Variants in SKIC2 observed in about 807,000 individuals in gnomAD.
SKIC2 encodes the protein superkiller complex protein 2.
At chr6:31,969,290 G>T in the SKIC2 span, 2 of 1,614,032 alleles carry the variant, frequency 1.2e-6, no homozygotes, top group Non-Finnish European at 1.7e-6. This position sits in a 1 kb window ranked among gnomAD's most constrained non-coding sequence, Gnocchi z 6.1. Flanking sequence ...GGAATAGAAC[G>T]TGTCCGGGCT....
At chr6:31,968,430 C>A in the SKIC2 span, 1 of 1,612,960 alleles carries the variant, frequency 6.2e-7, no homozygotes, top group Non-Finnish European at 8.5e-7. The surrounding 1 kb of genome is among the most constrained non-coding windows in gnomAD (Gnocchi z 6.1). Context: ...CTGTCAATGA[C>A]CTGCAGCTCA....
the SKIC2 span, chr6:31,966,719 C>T: frequency 1.9e-6 from 3 of 1,614,108 alleles, no homozygotes; most frequent in East Asian, 2.2e-5. This position sits in a 1 kb window ranked among gnomAD's most constrained non-coding sequence, Gnocchi z 5.9. Flanking sequence ...GGGAAGCCGT[C>T]CCAGCTGCAG....
chr6:31,961,807 G>A, the SKIC2 span: 1 of 1,554,208 alleles, frequency 6.4e-7, no homozygotes. Flanking sequence ...CCCAGCCTCG[G>A]CTGGCTCCGG....
At chr6:31,969,545 A>AC in the SKIC2 span, 1 of 1,613,486 alleles carries the variant, frequency 6.2e-7, no homozygotes. The surrounding 1 kb of genome is among the most constrained non-coding windows in gnomAD (Gnocchi z 6.1). Flanking sequence ...GCTCTCAGGG[A>AC]CCCCTGAGGG....
the SKIC2 span, chr6:31,963,457 G>A: frequency 3.1e-6 from 5 of 1,610,940 alleles, no homozygotes; most frequent in East Asian, 2.2e-5. The surrounding 1 kb of genome is among the most constrained non-coding windows in gnomAD (Gnocchi z 5.3). Flanking sequence ...ACTGTAACCC[G>A]CCCCGTGCCC....
At chr6:31,968,688 C>A in the SKIC2 span, 4 of 1,611,682 alleles carry the variant, frequency 2.5e-6, no homozygotes, top group Non-Finnish European at 3.4e-6. This position sits in a 1 kb window ranked among gnomAD's most constrained non-coding sequence, Gnocchi z 6.1. Flanking sequence ...CTCTGCAGTA[C>A]CTGAAGCTGC....
chr6:31,964,030 C>T, the SKIC2 span: 1 of 1,612,598 alleles, frequency 6.2e-7, no homozygotes, highest in African/African-American at 1.3e-5. This position sits in a 1 kb window ranked among gnomAD's most constrained non-coding sequence, Gnocchi z 5.0. Flanking sequence ...CCTCACCTCC[C>T]TTGACCTCAC....
the SKIC2 span, chr6:31,969,167 C>A: frequency 1.3e-6 from 2 of 1,537,810 alleles, no homozygotes; most frequent in Non-Finnish European, 1.8e-6. The surrounding 1 kb of genome is among the most constrained non-coding windows in gnomAD (Gnocchi z 6.1). Flanking sequence ...CCCCAGGTGA[C>A]CCCCTCCAGC....
At chr6:31,968,926 G>A in the SKIC2 span, 8 of 1,612,974 alleles carry the variant, frequency 5.0e-6, no homozygotes, top group Non-Finnish European at 5.9e-6. This position sits in a 1 kb window ranked among gnomAD's most constrained non-coding sequence, Gnocchi z 6.1. Context: ...CTGGCAGGGC[G>A]GGTGGCTTGT....
the SKIC2 span, chr6:31,959,256 G>A: frequency 6.2e-7 from 1 of 1,608,468 alleles, no homozygotes; most frequent in East Asian, 2.2e-5. Flanking sequence ...TAGCCGATAT[G>A]GAATGAACTT....
chr6:31,968,898 G>A, the SKIC2 span: 48 of 1,612,922 alleles, frequency 3.0e-5, no homozygotes, highest in African/African-American at 4.5e-4. This position sits in a 1 kb window ranked among gnomAD's most constrained non-coding sequence, Gnocchi z 6.1. Flanking sequence ...TTATGTGGAC[G>A]AGGCGGGCAC....
At chr6:31,963,282 T>G in the SKIC2 span, 3 of 897,696 alleles carry the variant, frequency 3.3e-6, no homozygotes, top group Non-Finnish European at 5.0e-6. The surrounding 1 kb of genome is among the most constrained non-coding windows in gnomAD (Gnocchi z 5.3). Flanking sequence ...TGGGATGAGA[T>G]GTTGGGGGAT....
the SKIC2 span, chr6:31,964,336 G>C: frequency 1.9e-6 from 3 of 1,612,018 alleles, no homozygotes; most frequent in Non-Finnish European, 2.5e-6. The surrounding 1 kb of genome is among the most constrained non-coding windows in gnomAD (Gnocchi z 5.0). Context: ...GCCGTGGCCT[G>C]GTCAAGGTGC....
chr6:31,969,142 C>T, the SKIC2 span: 2 of 1,570,004 alleles, frequency 1.3e-6, no homozygotes, highest in African/African-American at 2.7e-5. The surrounding 1 kb of genome is among the most constrained non-coding windows in gnomAD (Gnocchi z 6.1). Flanking sequence ...TCCTGACCTT[C>T]ACCTTCAGGT....
chr6:31,960,598 G>A, the SKIC2 span: 1 of 1,578,278 alleles, frequency 6.3e-7, no homozygotes, highest in Non-Finnish European at 8.7e-7. Context: ...AATCTCCAGG[G>A]AAGGGTTCCC....
the SKIC2 span, chr6:31,967,102 C>G: frequency 1.9e-6 from 3 of 1,612,370 alleles, no homozygotes; most frequent in East Asian, 6.7e-5. This position sits in a 1 kb window ranked among gnomAD's most constrained non-coding sequence, Gnocchi z 4.9. Context: ...AATATTACAG[C>G]TGGGGGGAGG....
the SKIC2 span, chr6:31,967,216 C>T: frequency 6.2e-7 from 1 of 1,608,474 alleles, no homozygotes; most frequent in Non-Finnish European, 8.5e-7. The surrounding 1 kb of genome is among the most constrained non-coding windows in gnomAD (Gnocchi z 4.9). Context: ...TGCTACTAAA[C>T]TTAGTCCAAG....
At chr6:31,963,804 C>G in the SKIC2 span, 1 of 1,507,508 alleles carries the variant, frequency 6.6e-7, no homozygotes, top group Non-Finnish European at 9.1e-7. The surrounding 1 kb of genome is among the most constrained non-coding windows in gnomAD (Gnocchi z 5.3). Context: ...CCCTTGTCCC[C>G]CAGGGGTTTT....
the SKIC2 span, chr6:31,969,680 G>T: frequency 2.5e-6 from 4 of 1,605,668 alleles, no homozygotes; most frequent in Non-Finnish European, 3.4e-6. This position sits in a 1 kb window ranked among gnomAD's most constrained non-coding sequence, Gnocchi z 6.1. Flanking sequence ...GCTACGGCGG[G>T]ACATCGTATT....
Sources: allele counts gnomAD v4.1 joint callset, GRCh38; gene constraint gnomAD v4.1.1; non-coding constraint Gnocchi (gnomAD v3.1); transcripts MANE v1.5; gene names NCBI Gene and HGNC (gene_info 2026-07-23, HGNC 2026-07-21).